Variants in USH2A observed in about 807,000 individuals in gnomAD.
The protein encoded by USH2A is Usher syndrome 2A (autosomal recessive, mild).
In USH2A, 443 loss-of-function variants were observed where a neutral mutation model predicts 538.9. The ratio of observed to expected loss-of-function variants is 0.82; its 90% confidence interval spans 0.76 to 0.89. USH2A has a LOEUF of 0.89. Among genes scored for constraint, USH2A ranks in the 40% least tolerant of loss-of-function variants. The probability of loss-of-function intolerance (pLI) is 0.00; values close to 1 mark genes in which losing one functional copy is unlikely to be tolerated. For synonymous variants in USH2A, 2,413 were observed against 2,273.5 expected (o/e 1.06, Z -1.75); for missense variants, 6,633 against 6,324.8 (o/e 1.05, Z -1.65).
rs1386685902 is a variant in USH2A at position 215,952,740 on chromosome 1, G to A, written c.7120+12577C>T. The stretch of plus-strand genomic sequence containing the variant: ...TGTTCTGGCTTGCAGAGTTTCTGCC[G>A]ACAGATCAGCTGTTAGTCTGATGGG... On this transcript the variant is annotated intron_variant, in intron 37 of 71. Coordinates refer to ENST00000307340, the MANE Select transcript of USH2A (RefSeq NM_206933.4). Among the ~76,000 whole-genome samples the A allele has an allele frequency of 3.9e-5, 6 of 152,266 alleles. No homozygotes were observed. In the South Asian group the frequency reaches 6.2e-4, roughly 16 times the overall value.
intron 3 of USH2A, among the ~76,000 whole-genome samples, chr1:216,413,632 A>AT (rs1418104411): frequency 6.6e-6 from 1 of 151,900 alleles, no homozygotes; most frequent in Middle Eastern, 3.2e-3. Flanking sequence ...TTACCCATGC[A>AT]TTTTTTTCTT....
chr1:216,017,029 T>C (rs1668728609), intron 32 of USH2A, among the ~76,000 whole-genome samples: 1 of 152,228 alleles, frequency 6.6e-6, no homozygotes, highest in Non-Finnish European at 1.5e-5. Context: ...AGCTGCCTTC[T>C]ACTCTGGCTT....
At chr1:215,633,205 T>C (rs1656364288) in intron 70 of USH2A, among the ~76,000 whole-genome samples, 1 of 152,114 alleles carries the variant, frequency 6.6e-6, no homozygotes, top group Admixed American at 6.5e-5. Context: ...GTAATGGCCC[T>C]GTGGTTAGAG....
chr1:216,418,376 T>C (rs1310761181), intron 3 of USH2A, 138 bp downstream of exon 3: 1 of 921,970 alleles, frequency 1.1e-6, no homozygotes, highest in Non-Finnish European at 1.6e-6. Context: ...ATATTTTTCT[T>C]CTTTAGTTGT....
At chr1:216,077,250 C>T (rs544230158) in intron 27 of USH2A, among the ~76,000 whole-genome samples, 8 of 152,072 alleles carry the variant, frequency 5.3e-5, no homozygotes, top group African/African-American at 9.7e-5. Flanking sequence ...TACATTCAAA[C>T]GTCTATGAGT....
chr1:216,189,060 A>C (rs1343495488), intron 20 of USH2A, among the ~76,000 whole-genome samples: 2 of 151,974 alleles, frequency 1.3e-5, no homozygotes, highest in Non-Finnish European at 2.9e-5. Flanking sequence ...ATAGGAGAAG[A>C]GTGTTTTGTA....
intron 20 of USH2A, among the ~76,000 whole-genome samples, chr1:216,185,496 T>C (rs1229767121): frequency 6.6e-6 from 1 of 151,916 alleles, no homozygotes; most frequent in Admixed American, 6.6e-5. Context: ...CTACTTCTAA[T>C]TTGTGGTGCT....
intron 32 of USH2A, among the ~76,000 whole-genome samples, chr1:216,001,360 C>G (rs1313685744): frequency 6.6e-6 from 1 of 152,100 alleles, no homozygotes; most frequent in Non-Finnish European, 1.5e-5. Context: ...GACCATGAGA[C>G]TAGGGTAGTG....
At chr1:216,032,678 A>C (rs1241621631) in intron 32 of USH2A, among the ~76,000 whole-genome samples, 1 of 152,264 alleles carries the variant, frequency 6.6e-6, no homozygotes, top group Admixed American at 6.5e-5. Flanking sequence ...TGGAGGCAAA[A>C]GTCAGAGAGA....
chr1:216,305,911 T>C (rs535583236), intron 9 of USH2A, among the ~76,000 whole-genome samples: 5 of 152,324 alleles, frequency 3.3e-5, no homozygotes, highest in Non-Finnish European at 5.9e-5. Flanking sequence ...CTTCATAGGT[T>C]ACCTGATGCT....
intron 4 of USH2A, among the ~76,000 whole-genome samples, chr1:216,338,443 C>T (rs899196339): frequency 6.6e-6 from 1 of 151,382 alleles, no homozygotes; most frequent in Non-Finnish European, 1.5e-5. Context: ...CTACCTCACA[C>T]ATTATACAAA....
At position 215,639,155 on chromosome 1, in the gene USH2A, C is replaced by A; in HGVS notation, c.15052G>T (p.Gly5018Cys). The change falls in exon 69 of 72, where the codon GGC (glycine) becomes TGC (cysteine). Residue 5018 changes from glycine (G) to cysteine (C), a missense_variant and splice_region_variant. Coordinates refer to ENST00000307340, the MANE Select transcript of USH2A (RefSeq NM_206933.4). ...GCCAAGTATAATATGAGTTGTTTAC[C>A]AAGTCCAGTAGAGGTATCATATTGG... ...LIQYDTSTGL[G>C]LVLTTPGKKK... is the part of the protein sequence containing the mutation. 1 of 1,613,846 alleles carries A rather than the reference C, an allele frequency of 6.2e-7. No individual in the cohort carries two copies. The highest frequency in any genetic ancestry group is 8.5e-7 in the Non-Finnish European group (1 of 1,179,908).
intron 9 of USH2A, among the ~76,000 whole-genome samples, chr1:216,296,428 A>T (rs1306342875): frequency 6.6e-6 from 1 of 152,070 alleles, no homozygotes; most frequent in Non-Finnish European, 1.5e-5. Context: ...CACTCTACTG[A>T]AATGATTGGC....
At chr1:216,376,109 C>T (rs373809092) in intron 3 of USH2A, among the ~76,000 whole-genome samples, 45 of 152,052 alleles carry the variant, frequency 3.0e-4, no homozygotes, top group African/African-American at 8.4e-4. Flanking sequence ...GTGAGAATTG[C>T]CAAAATGTGA....
chr1:216,049,966 CAT>C (rs765260011), intron 30 of USH2A, among the ~76,000 whole-genome samples: 8 of 152,218 alleles, frequency 5.3e-5, no homozygotes, highest in East Asian at 1.9e-4. Context: ...AATATACACA[CAT>C]GTGTGACCAT....
intron 3 of USH2A, among the ~76,000 whole-genome samples, chr1:216,405,076 G>A (rs984858521): frequency 4.6e-5 from 7 of 151,980 alleles, no homozygotes; most frequent in African/African-American, 7.3e-5. Flanking sequence ...GGCTGGTCTC[G>A]AAGTCCTGGG....
rs189865490 is a variant in USH2A, at chr1:216,223,871, G to A, written c.2994-6321C>T. 6.2e-4 allele frequency among the ~76,000 whole-genome samples: 95 copies of A among 152,340 alleles called. 1 individual carries two copies. In the East Asian group the frequency reaches 0.015, roughly 24 times the overall value. Reference sequence around the variant, plus strand: ...ATTGAGATCAATCGGATAAAGGCCTGTGAAAAGATTACTGGACCAAATCTA... The same window carrying A: ...ATTGAGATCAATCGGATAAAGGCCTATGAAAAGATTACTGGACCAAATCTA... On this transcript the variant is annotated intron_variant, in intron 14 of 71. Transcript: ENST00000307340.
At position 215,903,847 on chromosome 1, in the gene USH2A, G is replaced by T. The variant is rs115766368; in HGVS notation, c.7301-2942C>A. The stretch of plus-strand genomic sequence containing the variant: ...AATTAGTAAAAGTGTGGCATGACTA[G>T]AAAGTGCAAGAAGATTGCTGTCCAG... On this transcript the variant is annotated intron_variant, in intron 38 of 71. Coordinates refer to ENST00000307340, the MANE Select transcript of USH2A (RefSeq NM_206933.4). 8.9e-3 allele frequency among the ~76,000 whole-genome samples: 1,359 copies of T among 152,206 alleles called. 15 individuals carry two copies. The highest frequency in any genetic ancestry group is 0.031 in the African/African-American group (1,286 of 41,556).
intron 9 of USH2A, among the ~76,000 whole-genome samples, chr1:216,299,526 A>G (rs879885415): frequency 2.0e-5 from 3 of 152,122 alleles, no homozygotes; most frequent in Admixed American, 2.0e-4. Flanking sequence ...GGTGGGTGGT[A>G]GGTTTACAGA....
Sources: gnomAD v4.1 joint callset for allele counts (sites outside exome capture counted in the v4.1 genomes callset) on GRCh38, gnomAD v4.1.1 for gene constraint, MANE v1.5 for transcripts, NCBI Gene and HGNC (gene_info 2026-07-23, HGNC 2026-07-21) for gene names.